KIFAP3: variants seen among roughly 807,000 people sequenced by gnomAD.
KIFAP3 encodes the protein kinesin associated protein 3.
In KIFAP3, 68 loss-of-function variants were observed where a neutral mutation model predicts 106.5. The ratio of observed to expected loss-of-function variants is 0.64; its 90% confidence interval spans 0.53 to 0.78. KIFAP3 has a LOEUF of 0.78. Among genes scored for constraint, KIFAP3 ranks in the 30% least tolerant of loss-of-function variants. The probability of loss-of-function intolerance (pLI) is 0.00; values close to 1 mark genes in which losing one functional copy is unlikely to be tolerated. For missense variants in KIFAP3, 780 were observed against 941.8 expected, an observed-to-expected ratio of 0.83 and a Z score of 2.25; for synonymous variants, 320 against 311.5, an observed-to-expected ratio of 1.03 and a Z score of -0.29.
chr1:169,982,177 C>A, intron 14 of KIFAP3, 80 bp from the exon 15 acceptor site: 1 of 1,359,058 alleles, frequency 7.4e-7, no homozygotes, highest in South Asian at 1.3e-5. Context: ...TGTAAATACA[C>A]AGAAAGGATA....
At chr1:170,040,191 A>G (rs1463533477) in intron 3 of KIFAP3, among the ~76,000 whole-genome samples, 1 of 152,172 alleles carries the variant, frequency 6.6e-6, no homozygotes, top group Non-Finnish European at 1.5e-5. Context: ...AAAAAAAATC[A>G]CTGAATGTAA....
intron 19 of KIFAP3, among the ~76,000 whole-genome samples, chr1:169,935,943 T>C (rs968117779): frequency 2.0e-5 from 3 of 151,972 alleles, no homozygotes; most frequent in Non-Finnish European, 4.4e-5. Flanking sequence ...ACCAACTAAT[T>C]TGGGCTAATA....
At chr1:170,051,159 G>GAA (rs796560973) in intron 2 of KIFAP3, among the ~76,000 whole-genome samples, 8 of 113,940 alleles carry the variant, frequency 7.0e-5, no homozygotes, top group Admixed American at 3.5e-4. Context: ...CAAGCAAATG[G>GAA]AAAAAAAAAA....
intron 19 of KIFAP3, among the ~76,000 whole-genome samples, chr1:169,950,607 G>C (rs1304984333): frequency 6.6e-6 from 1 of 152,036 alleles, no homozygotes; most frequent in Non-Finnish European, 1.5e-5. Context: ...TTCTTTCACA[G>C]TTAACACAAA....
At chr1:169,979,255 G>A (rs1024109534) in intron 15 of KIFAP3, among the ~76,000 whole-genome samples, 4 of 151,948 alleles carry the variant, frequency 2.6e-5, no homozygotes, top group African/African-American at 4.8e-5. Context: ...TATCAACTAC[G>A]TGTCTTTACT....
intron 10 of KIFAP3, among the ~76,000 whole-genome samples, chr1:169,996,324 A>C (rs1390806472): frequency 6.6e-6 from 1 of 152,132 alleles, no homozygotes; most frequent in African/African-American, 2.4e-5. Flanking sequence ...TCATATCCAA[A>C]AGTTTGCTAA....
chr1:170,078,166 T>C (rs1557885349), upstream of KIFAP3, among the ~76,000 whole-genome samples: 2 of 152,294 alleles, frequency 1.3e-5, no homozygotes, highest in South Asian at 4.1e-4. Context: ...CTACCAACAA[T>C]GTATGAGTTC....
chr1:169,937,960 A>C (rs958115221), intron 19 of KIFAP3, among the ~76,000 whole-genome samples: 1 of 151,916 alleles, frequency 6.6e-6, no homozygotes, highest in Non-Finnish European at 1.5e-5. Flanking sequence ...ATTATTTTGC[A>C]ATTCTAGTCA....
rs200701449 is a variant in KIFAP3 at position 169,945,147 on chromosome 1, G to T, written c.2273+8864C>A. ...AGAGGGGGCTGAGGCAGTGGGGGGC[G>T]GGGGGGGGCTGGTGTGTCAGTACCG... On this transcript the variant is annotated intron_variant, in intron 19 of 19. Transcript: ENST00000361580. 0.022 allele frequency among the ~76,000 whole-genome samples: 20 copies of T among 922 alleles called. No individual in the cohort carries two copies. The African/African-American group carries it at 0.22, about 10-fold the overall frequency. The allele number at this position is 922 out of a possible 152,430, so 0.6% of individuals were successfully genotyped here.
chr1:169,965,351 A>C (rs1053415977), intron 17 of KIFAP3, among the ~76,000 whole-genome samples: 3 of 144,694 alleles, frequency 2.1e-5, no homozygotes, highest in African/African-American at 7.8e-5. Context: ...TTTCATTGTA[A>C]TTTAAATTTC....
intron 10 of KIFAP3, among the ~76,000 whole-genome samples, chr1:170,013,070 T>C (rs1001941999): frequency 6.6e-6 from 1 of 152,094 alleles, no homozygotes; most frequent in Non-Finnish European, 1.5e-5. Flanking sequence ...CATTTCCCCT[T>C]CTGCCATGTG....
At chr1:169,931,329 G>T (rs1663464141) in intron 19 of KIFAP3, among the ~76,000 whole-genome samples, 1 of 152,020 alleles carries the variant, frequency 6.6e-6, no homozygotes, top group African/African-American at 2.4e-5. Context: ...AGAAATAACT[G>T]GAGCCATTAA....
At chr1:169,945,341 G>A (rs972608822) in intron 19 of KIFAP3, among the ~76,000 whole-genome samples, 7 of 152,238 alleles carry the variant, frequency 4.6e-5, no homozygotes, top group Middle Eastern at 3.4e-3. Flanking sequence ...AAGAGCACAG[G>A]GATGACCTGG....
intron 18 of KIFAP3, chr1:169,958,355 G>A (rs1232741873): frequency 6.6e-6 from 1 of 152,176 alleles, no homozygotes; most frequent in Non-Finnish European, 1.5e-5. Flanking sequence ...GCCTCTCAAA[G>A]TGCTGGCATT....
chr1:170,036,239 T>G (rs760128792), intron 5 of KIFAP3, among the ~76,000 whole-genome samples: 1 of 152,074 alleles, frequency 6.6e-6, no homozygotes, highest in Non-Finnish European at 1.5e-5. Context: ...ATTCTTAAAA[T>G]AATTAAAATA....
In KIFAP3 at chr1:170,034,376, TTTC is replaced by T. The variant is rs1669566616; in HGVS notation, c.735_737del (p.Lys246del). ...AATGCCACTCTAAAAGGATATCAGC[TTTC>T]TTCTTCTTTGAGAGTTCTTCTTGCC... On this transcript the variant is annotated inframe_deletion, in exon 7 of 20. Transcript: ENST00000361580. 3 of 1,605,514 alleles carry T rather than the reference TTTC, an allele frequency of 1.9e-6. No individual in the cohort carries two copies. The highest frequency in any genetic ancestry group is 2.6e-6 in the Non-Finnish European group (3 of 1,176,354).
At chr1:169,932,168 A>G (rs1245566684) in intron 19 of KIFAP3, among the ~76,000 whole-genome samples, 1 of 152,170 alleles carries the variant, frequency 6.6e-6, no homozygotes, top group African/African-American at 2.4e-5. Context: ...TGACAGCTAA[A>G]CTTTCCAATT....
At chr1:170,044,725 G>C (rs1422846421) in intron 3 of KIFAP3, among the ~76,000 whole-genome samples, 20 of 152,072 alleles carry the variant, frequency 1.3e-4, no homozygotes, top group Non-Finnish European at 5.9e-5. Flanking sequence ...TTTTTCCCCA[G>C]GACTGACTCT....
chr1:170,006,654 A>G (rs897701953), intron 10 of KIFAP3, among the ~76,000 whole-genome samples: 3 of 152,164 alleles, frequency 2.0e-5, no homozygotes, highest in Non-Finnish European at 4.4e-5. Context: ...GTTTTGGTCC[A>G]GTTAACTAAA....
Sources: gnomAD v4.1 joint callset for allele counts (sites outside exome capture counted in the v4.1 genomes callset) on GRCh38, gnomAD v4.1.1 for gene constraint, MANE v1.5 for transcripts, NCBI Gene and HGNC (gene_info 2026-07-23, HGNC 2026-07-21) for gene names.